THSD4: variants seen among roughly 807,000 people sequenced by gnomAD.
THSD4 encodes thrombospondin type 1 domain containing 4.
Under a neutral mutation model 119.0 loss-of-function variants are expected in THSD4, and 69 were observed. That is an observed-to-expected ratio of 0.58 (90% CI 0.48 to 0.71). The LOEUF is 0.71. Ranked by LOEUF, THSD4 falls within the 30% of genes least tolerant of loss-of-function variation. THSD4 has a pLI of 0.00. For synonymous variants in THSD4, 524 were observed against 540.4 expected (o/e 0.97, Z 0.42); for missense variants, 1,393 against 1,391.1 (o/e 1.00, Z -0.02).
At chr15:71,488,826 A>G (rs940178564) in intron 7 of THSD4, among the ~76,000 whole-genome samples, 1 of 152,082 alleles carries the variant, frequency 6.6e-6, no homozygotes, top group African/African-American at 2.4e-5. Flanking sequence ...CAGATTATGT[A>G]TTTTGCCCCT....
chr15:71,642,320 A>G (rs62024266), intron 7 of THSD4, among the ~76,000 whole-genome samples: 2 of 152,288 alleles, frequency 1.3e-5, no homozygotes, highest in African/African-American at 2.4e-5. Context: ...GAGAGGATGC[A>G]GAGAAATAGG....
intron 9 of THSD4, 59 bp downstream of exon 9, chr15:71,728,783 A>G: frequency 6.3e-7 from 1 of 1,591,680 alleles, no homozygotes; most frequent in Non-Finnish European, 8.6e-7. Flanking sequence ...CTTCTAAGGA[A>G]CATACTCTGA....
intron 1 of THSD4, among the ~76,000 whole-genome samples, chr15:71,136,137 G>C (rs1168426657): frequency 6.6e-6 from 1 of 151,264 alleles, no homozygotes; most frequent in Non-Finnish European, 1.5e-5. Flanking sequence ...GCCTTGGTTT[G>C]TTGTGAGGGT....
At chr15:71,522,221 T>A (rs935727942) in intron 7 of THSD4, among the ~76,000 whole-genome samples, 27 of 152,176 alleles carry the variant, frequency 1.8e-4, no homozygotes, top group Non-Finnish European at 8.8e-5. Flanking sequence ...GGCACTTTCT[T>A]CTGTCTAAAA....
intron 6 of THSD4, among the ~76,000 whole-genome samples, chr15:71,376,982 G>A (rs537927373): frequency 5.8e-4 from 88 of 152,318 alleles, no homozygotes; most frequent in Admixed American, 5.6e-3. Context: ...CACCTAGCAG[G>A]TGTGTGCAGG....
chr15:71,373,748 A>C (rs1346918118), intron 6 of THSD4, among the ~76,000 whole-genome samples: 1 of 152,164 alleles, frequency 6.6e-6, no homozygotes, highest in Admixed American at 6.5e-5. Context: ...TTCTGCTTCC[A>C]AAATCTGTGA....
intron 8 of THSD4, among the ~76,000 whole-genome samples, chr15:71,685,163 T>A (rs1262302471): frequency 2.0e-5 from 3 of 152,030 alleles, no homozygotes; most frequent in African/African-American, 7.2e-5. Context: ...TGAATTCACA[T>A]ACTTCTGTTT....
chr15:71,469,844 CAT>C (rs760993697), intron 7 of THSD4, among the ~76,000 whole-genome samples: 1 of 152,164 alleles, frequency 6.6e-6, no homozygotes, highest in Non-Finnish European at 1.5e-5. Context: ...AAATGAACAA[CAT>C]GTGCTAAATG....
intron 6 of THSD4, among the ~76,000 whole-genome samples, chr15:71,301,163 C>A (rs1186445332): frequency 6.6e-6 from 1 of 151,980 alleles, no homozygotes; most frequent in Non-Finnish European, 1.5e-5. Flanking sequence ...AGACTAAAAG[C>A]AAGAGAAAAA....
intron 4 of THSD4, among the ~76,000 whole-genome samples, chr15:71,220,858 A>C (rs1465586326): frequency 1.3e-5 from 2 of 152,156 alleles, no homozygotes; most frequent in African/African-American, 2.4e-5. Flanking sequence ...GCCCCTTCTT[A>C]GTGTGGCTTG....
intron 8 of THSD4, among the ~76,000 whole-genome samples, chr15:71,720,593 A>G (rs1267167281): frequency 1.3e-5 from 2 of 152,218 alleles, no homozygotes; most frequent in African/African-American, 2.4e-5. Context: ...GAAAAGAAGG[A>G]TGGAATTCAC....
Position 71,737,736 on chromosome 15 carries a change from A to T in THSD4, c.1635A>T (p.Glu545Asp), listed in dbSNP as rs2053142714. 2 of 1,607,968 alleles carry T rather than the reference A, an allele frequency of 1.2e-6. No individual in the cohort carries two copies. Among genetic ancestry groups the T allele is most frequent in the Non-Finnish European group, 1.7e-6 (2 of 1,176,926 alleles). ...PQVPPHRRPGEPFNGQMVTEG... is the reference protein window; with the variant it reads ...PQVPPHRRPGDPFNGQMVTEG... ...GTGCACGCTCACCTCTCCTAGGGGAACCCTTCAATGGCCAGATGGTGACAG... is the reference window on the plus strand; with the variant it reads ...GTGCACGCTCACCTCTCCTAGGGGATCCCTTCAATGGCCAGATGGTGACAG... The change falls in exon 11 of 18, where the codon GAA becomes GAT. Residue 545 changes from glutamate (E) to aspartate (D), a missense_variant. Physicochemically the swap from Glu to Asp is conservative, Grantham distance 45. Coordinates refer to ENST00000261862, the MANE Select transcript of THSD4 (RefSeq NM_024817.3).
At chr15:71,492,442 G>A (rs2047934331) in intron 7 of THSD4, among the ~76,000 whole-genome samples, 1 of 151,404 alleles carries the variant, frequency 6.6e-6, no homozygotes, top group South Asian at 2.1e-4. Flanking sequence ...TTTTGTTGTT[G>A]TTGTTGTTGT....
intron 10 of THSD4, 106 bp downstream of exon 10, chr15:71,731,323 A>T: frequency 9.0e-7 from 1 of 1,107,012 alleles, no homozygotes; most frequent in Non-Finnish European, 1.3e-6. Flanking sequence ...CAACACAGAG[A>T]AAATTGAGGG....
At chr15:71,565,935 C>A (rs1017207306) in intron 7 of THSD4, among the ~76,000 whole-genome samples, 1 of 152,102 alleles carries the variant, frequency 6.6e-6, no homozygotes, top group Non-Finnish European at 1.5e-5. Context: ...TCTATGACCT[C>A]ATGAAGGACT....
At chr15:71,541,337 G>A (rs990492719) in intron 7 of THSD4, among the ~76,000 whole-genome samples, 9 of 152,122 alleles carry the variant, frequency 5.9e-5, no homozygotes, top group Admixed American at 1.3e-4. Context: ...TGGAATAGCC[G>A]CATTTCCAGT....
intron 2 of THSD4, among the ~76,000 whole-genome samples, chr15:71,142,925 G>A (rs2040619162): frequency 6.6e-6 from 1 of 152,334 alleles, no homozygotes; most frequent in African/African-American, 2.4e-5. Flanking sequence ...TGGTGCCACA[G>A]GTGGTTGGCC....
chr15:71,216,694 A>C (rs1040446786), intron 4 of THSD4, among the ~76,000 whole-genome samples: 1 of 152,246 alleles, frequency 6.6e-6, no homozygotes, highest in Admixed American at 6.5e-5. Flanking sequence ...CTCTTTCTAC[A>C]TGGGAACCTG....
chr15:71,459,380 GTCTCTCTCTCTCTCTCTC>G (rs141034841), intron 7 of THSD4, among the ~76,000 whole-genome samples: 4 of 137,704 alleles, frequency 2.9e-5, no homozygotes, highest in Non-Finnish European at 6.1e-5. Flanking sequence ...CTGTCTCTCT[GTCTCTCTCTCTCTCTCTC>G]TCTCTCTGTC....
Sources: allele counts gnomAD v4.1 joint callset (sites outside exome capture counted in the v4.1 genomes callset), GRCh38; gene constraint gnomAD v4.1.1; transcripts MANE v1.5; gene names NCBI Gene and HGNC (gene_info 2026-07-23, HGNC 2026-07-21).